Variants in PSME4 observed in about 807,000 individuals in gnomAD.
PSME4 encodes proteasome activator subunit 4.
A neutral mutation model predicts 253.9 loss-of-function variants in PSME4; 89 were observed. The ratio of observed to expected loss-of-function variants is 0.35; its 90% confidence interval spans 0.30 to 0.42. The LOEUF is 0.42. Among genes scored for constraint, PSME4 ranks in the 10% least tolerant of loss-of-function variants. The pLI, the probability that PSME4 is intolerant of heterozygous loss-of-function variation, is 1.00. For missense variants in PSME4, 2,014 were observed against 2,195.2 expected (o/e 0.92, Z 1.65); for synonymous variants, 851 against 759.2 (o/e 1.12, Z -1.99).
At chr2:53,928,002 A>G (rs1367815808) in intron 11 of PSME4, 115 bp downstream of exon 11, 1 of 678,194 alleles carries the variant, frequency 1.5e-6, no homozygotes, top group African/African-American at 1.8e-5. Flanking sequence ...ATTATACAAC[A>G]TTTATTTTCA....
At chr2:53,865,780 C>A (rs547915003) in intron 46 of PSME4, 40 of 257,608 alleles carry the variant, frequency 1.6e-4, no homozygotes, top group African/African-American at 8.6e-4. Flanking sequence ...CCAGCCCCAC[C>A]CAGGAGGCAA....
At chr2:53,869,226 G>T in intron 44 of PSME4, 150 bp downstream of exon 44, 1 of 722,598 alleles carries the variant, frequency 1.4e-6, no homozygotes, top group Non-Finnish European at 2.1e-6. Context: ...CTTTCTATAT[G>T]CAAAACTCCT....
chr2:53,878,483 C>T lies in PSME4; in HGVS notation c.4816-2728G>A, dbSNP rs188231915. Among the ~76,000 whole-genome samples the T allele has an allele frequency of 3.3e-5, 5 of 152,314 alleles. No homozygotes were observed. In the East Asian group the frequency reaches 9.6e-4, roughly 29 times the overall value. On this transcript the variant is annotated intron_variant, in intron 41 of 46. Coordinates refer to ENST00000404125, the MANE Select transcript of PSME4 (RefSeq NM_014614.3). ...AGACAACAAAGGAGATGACCTTAAA[C>T]TCTGGCTGCCTGTGAGCCTGGTGGA...
At chr2:53,882,477 T>C (rs1679438125) in intron 41 of PSME4, among the ~76,000 whole-genome samples, 1 of 152,208 alleles carries the variant, frequency 6.6e-6, no homozygotes, top group Admixed American at 6.5e-5. Context: ...GGACACGTAT[T>C]AACTCGTATA....
At chr2:53,956,062 C>T (rs1403348349) in intron 1 of PSME4, among the ~76,000 whole-genome samples, 1 of 148,864 alleles carries the variant, frequency 6.7e-6, no homozygotes, top group Admixed American at 6.7e-5. Context: ...CCCAGGAGAT[C>T]GCTTGAGCCC....
chr2:53,920,834 C>A, intron 18 of PSME4, 55 bp downstream of exon 18: 1 of 1,414,222 alleles, frequency 7.1e-7, no homozygotes, highest in East Asian at 2.3e-5. Flanking sequence ...ACTTTGAATC[C>A]CTTAAAACAA....
chr2:53,887,590 T>C (rs894270571), intron 39 of PSME4, 123 bp from the exon 40 acceptor site: 9 of 959,334 alleles, frequency 9.4e-6, no homozygotes, highest in Non-Finnish European at 1.4e-5. Flanking sequence ...GGTCTTAGAT[T>C]ATGCCTGTGT....
Position 53,919,342 on chromosome 2 carries a change from A to G in PSME4, c.2421-96T>C. On this transcript the variant is annotated intron_variant, in intron 19 of 46. Coordinates refer to ENST00000404125, the MANE Select transcript of PSME4 (RefSeq NM_014614.3). The stretch of plus-strand genomic sequence containing the variant: ...GAAGTTTTCTCACGTGGGGATATAA[A>G]TGATTAAGGTAAAGAAATAGCAAAT... 2.1e-6 allele frequency: 3 copies of G among 1,400,510 alleles called. No homozygotes were observed. The South Asian group carries it at 4.8e-5, about 23-fold the overall frequency. The allele number at this position is 1,400,510 out of a possible 1,614,324, so 86.8% of individuals were successfully genotyped here. A position where few individuals can be genotyped will look rare whatever the true frequency, so the allele number is the denominator to read the frequency against.
chr2:53,915,890 G>A (rs888323321), intron 20 of PSME4, among the ~76,000 whole-genome samples: 6 of 152,088 alleles, frequency 3.9e-5, no homozygotes, highest in East Asian at 1.9e-4. Flanking sequence ...GGCCAACATG[G>A]TGAAACCCTA....
chr2:53,897,697 T>C (rs1449674033), intron 31 of PSME4, among the ~76,000 whole-genome samples, 173 bp downstream of exon 31: 1 of 152,232 alleles, frequency 6.6e-6, no homozygotes, highest in Non-Finnish European at 1.5e-5. Context: ...TGCCTAAACA[T>C]GTTCATTTGT....
chr2:53,922,409 A>G lies in PSME4; in HGVS notation c.2046+108T>C, dbSNP rs1558686615. On this transcript the variant is annotated intron_variant, in intron 17 of 46. Coordinates refer to ENST00000404125, the MANE Select transcript of PSME4 (RefSeq NM_014614.3). ...TCTGAAGCCTCATCAAATTTCCAAA[A>G]CTCTGACTTTTCATATGTTTTAAAG... 2.5e-6 allele frequency: 3 copies of G among 1,182,720 alleles called. No individual in the cohort carries two copies. The East Asian group carries it at 7.2e-5, about 28-fold the overall frequency. The allele number at this position is 1,182,720 out of a possible 1,614,324, so 73.3% of individuals were successfully genotyped here.
chr2:53,911,430 G>T (rs1009878010), intron 20 of PSME4, among the ~76,000 whole-genome samples: 1 of 151,934 alleles, frequency 6.6e-6, no homozygotes, highest in Non-Finnish European at 1.5e-5. Context: ...AAATATTTTT[G>T]CATGATCAAA....
At chr2:53,874,245 C>A in intron 43 of PSME4, 94 bp downstream of exon 43, 1 of 1,265,004 alleles carries the variant, frequency 7.9e-7, no homozygotes. Context: ...TAAATATAAA[C>A]AATTGCACCT....
At chr2:53,967,410 G>T (rs1360979452) in intron 1 of PSME4, among the ~76,000 whole-genome samples, 1 of 151,916 alleles carries the variant, frequency 6.6e-6, no homozygotes, top group Non-Finnish European at 1.5e-5. Context: ...CGCACTTTGG[G>T]AGGCCGAGGC....
At chr2:53,933,478 C>G (rs1230699525) in intron 8 of PSME4, among the ~76,000 whole-genome samples, 3 of 150,844 alleles carry the variant, frequency 2.0e-5, no homozygotes, top group Non-Finnish European at 2.9e-5. Flanking sequence ...CTCCTAGGCT[C>G]AAGCGATCCT....
chr2:53,931,385 GAATAA>G (rs529989321), intron 10 of PSME4, among the ~76,000 whole-genome samples: 36 of 152,164 alleles, frequency 2.4e-4, no homozygotes, highest in African/African-American at 8.4e-4. Context: ...AAAACACAAT[GAATAA>G]AATAAAACTT....
rs759952469 is a variant in PSME4, at chr2:53,920,877, G to A, written c.2262+12C>T. The A allele has an allele frequency of 1.9e-6, 3 of 1,570,324 alleles. No individual in the cohort carries two copies. Among genetic ancestry groups the A allele is most frequent in the Middle Eastern group, 1.7e-4 (1 of 6,006 alleles). On this transcript the variant is annotated intron_variant, in intron 18 of 46. Transcript: ENST00000404125. Reference sequence around the variant, plus strand: ...ACATATTCTTGAATCCTAAAGTACTGAAAATGCTTGCCTTGATAGGAAAGT... The same window carrying A: ...ACATATTCTTGAATCCTAAAGTACTAAAAATGCTTGCCTTGATAGGAAAGT...
chr2:53,911,607 G>C (rs565295836), intron 20 of PSME4, among the ~76,000 whole-genome samples: 5 of 151,630 alleles, frequency 3.3e-5, no homozygotes, highest in Admixed American at 3.3e-4. Flanking sequence ...CCCACTGTTA[G>C]AGCAGGGGAA....
rs758963438 is a variant in PSME4, at chr2:53,948,510, A to G, written c.411T>C (p.Asp137=). ...AAAGTGGTCTCCAGGGTAACTCCAA[A>G]TCAGCTCTTGAAAGAAGTTCCTTTT... ...LKKKELLSRA[D]LELPWRPLYD... The change falls in exon 3 of 47, where the codon GAT becomes GAC. Residue 137 remains aspartate (D), a synonymous_variant. Transcript: ENST00000404125. The G allele has an allele frequency of 4.3e-6, 7 of 1,612,860 alleles. No individual in the cohort carries two copies. The highest frequency in any genetic ancestry group is 5.9e-6 in the Non-Finnish European group (7 of 1,178,980).
Sources: gnomAD v4.1 joint callset for allele counts (sites outside exome capture counted in the v4.1 genomes callset) on GRCh38, gnomAD v4.1.1 for gene constraint, MANE v1.5 for transcripts, NCBI Gene and HGNC (gene_info 2026-07-23, HGNC 2026-07-21) for gene names.